Variants in C2 observed in about 807,000 individuals in gnomAD.
C2 encodes C3/C5 convertase.
In C2, 64 loss-of-function variants were observed where a neutral mutation model predicts 85.2. The ratio of observed to expected loss-of-function variants is 0.75; its 90% CI spans 0.61 to 0.92. The LOEUF (loss-of-function observed/expected upper bound fraction) is 0.92, where lower values mean the gene tolerates loss of function less well. Ranked by LOEUF, C2 falls within the 40% of genes least tolerant of loss-of-function variation. The pLI is 0.00. For synonymous variants in C2, 311 were observed against 370.8 expected (o/e 0.84, Z 1.85); for missense variants, 820 against 971.6 (o/e 0.84, Z 2.07).
chr6:31,939,377 T>G, intron 9 of C2, 57 bp downstream of exon 9: 1 of 1,281,532 alleles, frequency 7.8e-7, no homozygotes, highest in Non-Finnish European at 1.1e-6. Context: ...TCATGAGATC[T>G]TCAGCCAGGG....
chr6:31,942,926 C>T, intron 9 of C2, 33 bp from the exon 10 acceptor site: 1 of 1,612,618 alleles, frequency 6.2e-7, no homozygotes, highest in Non-Finnish European at 8.5e-7. Context: ...CCCAAAGCCA[C>T]AGGAGTCTGG....
chr6:31,939,510 CTTTTTTT>C (rs896123643), intron 9 of C2, among the ~76,000 whole-genome samples, 190 bp downstream of exon 9: 1 of 126,432 alleles, frequency 7.9e-6, no homozygotes. Flanking sequence ...ACCTTACCTT[CTTTTTTT>C]TTTTTTTTTT....
chr6:31,900,612 C>G (rs1254561161), upstream of C2: 1 of 1,612,714 alleles, frequency 6.2e-7, no homozygotes, highest in Non-Finnish European at 8.5e-7. This position sits in a 1 kb window ranked among gnomAD's most constrained non-coding sequence, Gnocchi z 9.7. Flanking sequence ...ATGCCCAGAC[C>G]CCCTCCCAGG....
At chr6:31,923,998 C>A (rs1190281831), upstream of C2, among the ~76,000 whole-genome samples, 1 of 150,972 alleles carries the variant, frequency 6.6e-6, no homozygotes, top group East Asian at 1.9e-4. Context: ...GACGGGGTTT[C>A]ACCGTGTTAG....
upstream of C2, among the ~76,000 whole-genome samples, chr6:31,898,650 T>G (rs1042171955): frequency 1.1e-4 from 16 of 151,800 alleles, no homozygotes; most frequent in Non-Finnish European, 8.8e-5. Flanking sequence ...TAGCTTTTTT[T>G]TTTTTTTTTT....
At position 31,945,046 on chromosome 6, in the gene C2, T is replaced by C; in HGVS notation, c.2079+17T>C. 4 of 1,612,906 alleles carry C rather than the reference T, an allele frequency of 2.5e-6. No homozygotes were observed. The highest frequency in any genetic ancestry group is 3.4e-6 in the Non-Finnish European group (4 of 1,179,942). ...TTTTTTCAGGTGAGAAGGTAGAAGC[T>C]TGCAGGACCCAGGGGTTACAGGATC... On this transcript the variant is annotated intron_variant, in intron 17 of 17. Coordinates refer to ENST00000299367, the MANE Select transcript of C2 (RefSeq NM_000063.6). This position sits in a 1 kb window ranked among gnomAD's most constrained non-coding sequence, Gnocchi z 5.3.
upstream of C2, chr6:31,900,237 A>G: frequency 6.2e-7 from 1 of 1,614,036 alleles, no homozygotes; most frequent in Non-Finnish European, 8.5e-7. This position sits in a 1 kb window ranked among gnomAD's most constrained non-coding sequence, Gnocchi z 9.7. Flanking sequence ...ATGAAGATGA[A>G]GTGCTGCGCC....
rs1447818175 is a variant in C2 at position 31,937,471 on chromosome 6, G to T, written c.1129+12G>T. ...CCTTCTGACAGATGGTGGGTATCAT[G>T]GTCTCTGAGTGTGTCTGGAATAGTG... On this transcript the variant is annotated intron_variant, in intron 8 of 17. Transcript: ENST00000299367. 1.2e-6 allele frequency: 2 copies of T among 1,612,638 alleles called. No individual in the cohort carries two copies. Among genetic ancestry groups the T allele is most frequent in the Non-Finnish European group, 1.7e-6 (2 of 1,179,946 alleles).
chr6:31,944,033 G>A lies in C2; in HGVS notation c.1810+40G>A. ...TTATGGTGCTTGAGAGCTGGGGCCG[G>A]GGTTTGGGGGTGATAACAAGGACTA... On this transcript the variant is annotated intron_variant, in intron 14 of 17. Transcript: ENST00000299367. This position sits in a 1 kb window ranked among gnomAD's most constrained non-coding sequence, Gnocchi z 5.1. 1 of 1,605,416 alleles carries A rather than the reference G, an allele frequency of 6.2e-7. No individual in the cohort carries two copies. The highest frequency in any genetic ancestry group is 8.5e-7 in the Non-Finnish European group (1 of 1,173,062).
At chr6:31,931,936 G>T (rs1440807704) in intron 3 of C2, among the ~76,000 whole-genome samples, 2 of 84,914 alleles carry the variant, frequency 2.4e-5, no homozygotes, top group Non-Finnish European at 2.8e-5. Flanking sequence ...CTGGCCGGGC[G>T]GGGGGCTGAT....
rs1771329279 is a variant in C2 at position 31,945,500 on chromosome 6, C to G, written c.*143C>G. 4.9e-6 allele frequency: 4 copies of G among 814,170 alleles called. No individual in the cohort carries two copies. In the South Asian group the frequency reaches 5.9e-5, roughly 12 times the overall value. 50.4% of individuals were successfully genotyped at this position (814,170 alleles called of 1,614,324 possible). On this transcript the variant is annotated 3_prime_UTR_variant, in exon 18 of 18. Coordinates refer to ENST00000299367, the MANE Select transcript of C2 (RefSeq NM_000063.6). This position sits in a 1 kb window ranked among gnomAD's most constrained non-coding sequence, Gnocchi z 5.3. ...GGTCTCTAGGATGCCAGAGGCAGCG[C>G]ACACAAGCTGGGAAATCCTCAGGGC... is the stretch of plus-strand genomic sequence containing the variant.
chr6:31,934,522 G>C lies in C2; in HGVS notation c.849+223G>C, dbSNP rs957150938. 4.5e-6 allele frequency: 6 copies of C among 1,321,386 alleles called. No individual in the cohort carries two copies. In the Admixed American group the frequency reaches 1.1e-4, roughly 23 times the overall value. 81.9% of individuals were successfully genotyped at this position (1,321,386 alleles called of 1,614,324 possible). ...TGTGCTGGGGCTGGGCGACAGCAAA[G>C]ATGGAAAGGCTGAGGTCTTACTTTC... On this transcript the variant is annotated intron_variant, in intron 6 of 17. Transcript: ENST00000299367.
Position 31,944,751 on chromosome 6 carries a change from T to G in C2, c.1927T>G (p.Ser643Ala), listed in dbSNP as rs1225663547. 4 of 1,612,950 alleles carry G rather than the reference T, an allele frequency of 2.5e-6. No individual in the cohort carries two copies. Among genetic ancestry groups the G allele is most frequent in the Non-Finnish European group, 3.4e-6 (4 of 1,180,040 alleles). The change falls in exon 16 of 18, where the codon TCC becomes GCC. Residue 643 changes from serine (S) to alanine (A), a missense_variant. Transcript: ENST00000299367. The surrounding 1 kb of genome is among the most constrained non-coding windows in gnomAD (Gnocchi z 5.1). ...VEWTSCAEVV[S>A]QEKTMFPNLT... ...GTGGACAAGCTGTGCCGAGGTTGTCTCCCAAGAAAAAACCATGTTCCCCAA... is the reference window on the plus strand; with the variant it reads ...GTGGACAAGCTGTGCCGAGGTTGTCGCCCAAGAAAAAACCATGTTCCCCAA...
At chr6:31,924,733 A>G (rs1769167128), upstream of C2, among the ~76,000 whole-genome samples, 1 of 152,226 alleles carries the variant, frequency 6.6e-6, no homozygotes, top group African/African-American at 2.4e-5. Flanking sequence ...ATGTTCAGTC[A>G]GGTTAGGCTT....
chr6:31,939,068 G>A (rs1770670059), intron 8 of C2, among the ~76,000 whole-genome samples, 163 bp from the exon 9 acceptor site: 1 of 152,226 alleles, frequency 6.6e-6, no homozygotes, highest in Admixed American at 6.5e-5. Flanking sequence ...CAAAGTGCTA[G>A]GATTACAGGT....
intron 1 of C2, among the ~76,000 whole-genome samples, chr6:31,906,007 C>T (rs1008098859): frequency 5.9e-5 from 9 of 151,928 alleles, no homozygotes; most frequent in African/African-American, 1.5e-4. Flanking sequence ...ATGCTTAGCA[C>T]GTACTAGAAT....
chr6:31,911,565 G>C (rs1368579353), intron 1 of C2, among the ~76,000 whole-genome samples: 1 of 151,676 alleles, frequency 6.6e-6, no homozygotes, highest in Admixed American at 6.6e-5. Flanking sequence ...TGAGTCATCT[G>C]GAGTTTTAAT....
upstream of C2, chr6:31,900,787 GGGTAGAGGA>G (rs1188120398): frequency 6.3e-7 from 1 of 1,596,808 alleles, no homozygotes. The surrounding 1 kb of genome is among the most constrained non-coding windows in gnomAD (Gnocchi z 9.7). Context: ...GGAGTGGAGG[GGGTAGAGGA>G]GGTGGGGGTG....
At chr6:31,907,956 C>T (rs1308869087) in intron 1 of C2, among the ~76,000 whole-genome samples, 2 of 146,826 alleles carry the variant, frequency 1.4e-5, no homozygotes, top group Non-Finnish European at 1.5e-5. Flanking sequence ...AAGCAATTCT[C>T]CTGCCTCAGC....
Sources: gnomAD v4.1 joint callset for allele counts (sites outside exome capture counted in the v4.1 genomes callset) on GRCh38, gnomAD v4.1.1 for gene constraint, Gnocchi (gnomAD v3.1) non-coding constraint, MANE v1.5 for transcripts, NCBI Gene and HGNC (gene_info 2026-07-23, HGNC 2026-07-21) for gene names.